MGAM: variants seen among roughly 807,000 people sequenced by gnomAD.
MGAM encodes the protein maltase-glucoamylase.
A neutral mutation model predicts 358.8 loss-of-function variants in MGAM; 253 were observed. The ratio of observed to expected loss-of-function variants is 0.71; its 90% CI spans 0.64 to 0.78. The LOEUF is 0.78. Among genes scored for constraint, MGAM ranks in the 30% least tolerant of loss-of-function variants. The probability of loss-of-function intolerance (pLI) is 0.00; values close to 1 mark genes in which losing one functional copy is unlikely to be tolerated. For missense variants in MGAM, 3,080 were observed against 3,432.6 expected (o/e 0.90, Z 2.57); for synonymous variants, 1,105 against 1,227.1 (o/e 0.90, Z 2.08).
chr7:142,043,935 A>G (rs964065367), intron 21 of MGAM, among the ~76,000 whole-genome samples: 13 of 55,964 alleles, frequency 2.3e-4, no homozygotes, highest in South Asian at 5.2e-4. Context: ...CATTATATAC[A>G]CATACGACGT....
intron 30 of MGAM, among the ~76,000 whole-genome samples, chr7:142,057,501 G>C (rs1811675777): frequency 1.4e-5 from 2 of 143,872 alleles, no homozygotes; most frequent in Non-Finnish European, 3.0e-5. Context: ...GATAGTGGTT[G>C]TGGTGATAGT....
In MGAM at chr7:142,027,557, T is replaced by A. The variant is rs547813487; in HGVS notation, c.1096-53T>A. ...GCTCTGAAAGCAATGCTTCGAAAAA[T>A]TTTTATTAAAAACAGAGTATTTGCT... is the stretch of plus-strand genomic sequence containing the variant. On this transcript the variant is annotated intron_variant, in intron 9 of 70. Coordinates refer to ENST00000475668, the MANE Select transcript of MGAM (RefSeq NM_001365693.1). The A allele has an allele frequency of 5.8e-4, 928 of 1,601,294 alleles. 1 individual carries two copies. Among genetic ancestry groups the A allele is most frequent in the Admixed American group, 1.4e-3 (81 of 58,958 alleles).
At chr7:142,004,781 A>G (rs1805013312) in intron 1 of MGAM, among the ~76,000 whole-genome samples, 1 of 152,062 alleles carries the variant, frequency 6.6e-6, no homozygotes, top group Non-Finnish European at 1.5e-5. Flanking sequence ...GTAAATGAGA[A>G]AACTGAGAAT....
In MGAM at chr7:142,055,726, G is replaced by A. The variant is rs780723110; in HGVS notation, c.3483G>A (p.Gly1161=). ...TGTTCTCCCGAGACCAGCCCCCAGG[G>A]GTAAGGACAGAGCATTTGGGATCTG... ...WGMFSRDQPP[G]YKKNSYGVHP... is the part of the protein sequence containing the mutation. The change falls in exon 28 of 71, where the codon GGG becomes GGA. Residue 1161 remains glycine, a splice_region_variant and synonymous_variant. Transcript: ENST00000475668. The A allele has an allele frequency of 1.2e-6, 2 of 1,613,784 alleles. No homozygotes were observed. The highest frequency in any genetic ancestry group is 1.6e-4 in the Middle Eastern group (1 of 6,062).
rs778905877 is a variant in MGAM at position 142,066,594 on chromosome 7, G to T, written c.4792G>T (p.Asp1598Tyr). 11 of 1,555,148 alleles carry T rather than the reference G, an allele frequency of 7.1e-6. 1 individual carries two copies. Among genetic ancestry groups the T allele is most frequent in the Non-Finnish European group, 8.8e-6 (10 of 1,132,544 alleles). The change falls in exon 41 of 71, where the codon GAT becomes TAT. Residue 1598 changes from aspartate (D) to tyrosine (Y), a missense_variant. Physicochemically the swap from Asp to Tyr is radical, Grantham distance 160 (BLOSUM62 -3). This residue lies in a region of MGAM where 134 missense variants were observed against 198.4 expected (regional missense o/e 0.68). Transcript: ENST00000475668. ...TTAGAGACAAGACCCTGTGTCCTGG[G>T]ATGCTGCTTTTGTGAATATTTCCAG... ...GTRRQDPVSW[D>Y]AAFVNISRNV...
rs1813056176 is a variant in MGAM, at chr7:142,068,635, G to A, written c.5005-12G>A. 5 of 1,526,846 alleles carry A rather than the reference G, an allele frequency of 3.3e-6. 1 individual carries two copies. The South Asian group carries it at 3.4e-5, about 10-fold the overall frequency. 94.6% of individuals were successfully genotyped at this position (1,526,846 alleles called of 1,614,324 possible). A position where few individuals can be genotyped will look rare whatever the true frequency, so the allele number is the denominator to read the frequency against. On this transcript the variant is annotated splice_polypyrimidine_tract_variant and intron_variant, in intron 42 of 70. Transcript: ENST00000475668. Reference sequence around the variant, plus strand: ...GGTGGCACTGCCTCACCTTGTTTGTGTTTCATTTTAGAATGCCAGAAATGT... The same window carrying A: ...GGTGGCACTGCCTCACCTTGTTTGTATTTCATTTTAGAATGCCAGAAATGT...
At chr7:142,025,488 G>C (rs1351303714) in intron 8 of MGAM, among the ~76,000 whole-genome samples, 1 of 152,286 alleles carries the variant, frequency 6.6e-6, no homozygotes, top group African/African-American at 2.4e-5. Flanking sequence ...GTAGTCAGTA[G>C]ATCCCAGTGG....
chr7:142,059,145 G>A (rs1483801207), intron 31 of MGAM, among the ~76,000 whole-genome samples: 1 of 152,098 alleles, frequency 6.6e-6, no homozygotes. Flanking sequence ...AGCCTCTTGG[G>A]GTAGGTCATC....
rs189122871 is a variant in MGAM, at chr7:142,080,925, G to C, written c.5982G>C (p.Arg1994=). 954 of 1,555,508 alleles carry C rather than the reference G, an allele frequency of 6.1e-4. 139 individuals carry two copies. Among genetic ancestry groups the C allele is most frequent in the Non-Finnish European group, 7.8e-4 (886 of 1,132,106 alleles). Residue 1994 remains arginine, a synonymous_variant, in exon 50 of 71, where the codon CGG becomes CGC. Coordinates refer to ENST00000475668, the MANE Select transcript of MGAM (RefSeq NM_001365693.1). ...KKNPFGIEIR[R]KSTGTIIWDS... Reference sequence around the variant, plus strand: ...ATCCATTTGGGATTGAAATTCGCCGGAAGAGTACAGGCACTATAATGTGAG... The same window carrying C: ...ATCCATTTGGGATTGAAATTCGCCGCAAGAGTACAGGCACTATAATGTGAG...
At chr7:142,089,712 G>A (rs1204208108) in intron 57 of MGAM, among the ~76,000 whole-genome samples, 5 of 145,392 alleles carry the variant, frequency 3.4e-5, no homozygotes, top group African/African-American at 4.9e-5. Flanking sequence ...GCTTGAACCC[G>A]GGAGGCAGAG....
chr7:141,987,447 T>G (rs933070115), intron 2 of MGAM, among the ~76,000 whole-genome samples: 1 of 152,190 alleles, frequency 6.6e-6, no homozygotes, highest in East Asian at 1.9e-4. Context: ...AGGCACTGTG[T>G]CTCAAATCTA....
intron 36 of MGAM, 84 bp from the exon 37 acceptor site, chr7:142,064,291 TAGTCTTAAG>T: frequency 6.6e-7 from 1 of 1,524,410 alleles, no homozygotes; most frequent in African/African-American, 1.4e-5. Context: ...GGACTGAAGT[TAGTCTTAAG>T]ATCCAGGGCC....
At position 142,073,061 on chromosome 7, in the gene MGAM, C is replaced by T. The variant is rs79596365; in HGVS notation, c.5187-1024C>T. Among the ~76,000 whole-genome samples, 883 of 146,138 alleles carry T rather than the reference C, an allele frequency of 6.0e-3. 34 individuals are homozygous for T. Among genetic ancestry groups the T allele is most frequent in the African/African-American group, 0.02 (815 of 41,190 alleles). ...AGGTAATATTTTACTGGGTAAGTCTCCAGAAGAATATACAGTCTACCATAT... is the reference window on the plus strand; with the variant it reads ...AGGTAATATTTTACTGGGTAAGTCTTCAGAAGAATATACAGTCTACCATAT... On this transcript the variant is annotated intron_variant, in intron 44 of 70. Coordinates refer to ENST00000475668, the MANE Select transcript of MGAM (RefSeq NM_001365693.1).
chr7:142,055,935 G>A lies in MGAM; in HGVS notation c.3484-65G>A. On this transcript the variant is annotated intron_variant, in intron 28 of 70. Transcript: ENST00000475668. Reference sequence around the variant, plus strand: ...GAGCCATGTTAGCAAGCACATTTTTGTTGAGTTTCTTTCTCAGGCATAATG... The same window carrying A: ...GAGCCATGTTAGCAAGCACATTTTTATTGAGTTTCTTTCTCAGGCATAATG... 2.7e-5 allele frequency: 41 copies of A among 1,514,104 alleles called. 1 individual carries two copies. The highest frequency in any genetic ancestry group is 3.7e-5 in the Non-Finnish European group (41 of 1,110,822). The allele number at this position is 1,514,104 out of a possible 1,614,324, so 93.8% of individuals were successfully genotyped here. A position where few individuals can be genotyped will look rare whatever the true frequency, so the allele number is the denominator to read the frequency against.
intron 63 of MGAM, among the ~76,000 whole-genome samples, chr7:142,095,225 G>C (rs1310647093): frequency 6.6e-6 from 1 of 152,146 alleles, no homozygotes; most frequent in African/African-American, 2.4e-5. Context: ...GGGATTACAG[G>C]CGTGAGCCAC....
chr7:142,074,315 G>T, intron 45 of MGAM, 142 bp downstream of exon 45: 1 of 666,084 alleles, frequency 1.5e-6, no homozygotes, highest in Non-Finnish European at 2.5e-6. Flanking sequence ...GTTTCTGGTT[G>T]CACCATTCAG....
At position 142,065,827 on chromosome 7, in the gene MGAM, C is replaced by A. The variant is rs1267122180; in HGVS notation, c.4766C>A (p.Thr1589Asn). The part of the protein sequence containing the change: ...PFSRNHNTIG[T>N]RRQDPVSWDA... Reference sequence around the variant, plus strand: ...TCAAGAAACCACAATACCATTGGGACCAGGGTAGGACAGTGGCTTCTACCT... The same window carrying A: ...TCAAGAAACCACAATACCATTGGGAACAGGGTAGGACAGTGGCTTCTACCT... The change falls in exon 40 of 71, where the codon ACC becomes AAC. Residue 1589 changes from threonine (T) to asparagine (N), a missense_variant. Physicochemically the swap from Thr to Asn is moderately conservative, Grantham distance 65 (BLOSUM62 0). Around this residue, in one of 5 missense-constraint regions of MGAM, gnomAD observed 134 missense variants for 198.4 expected, o/e 0.68. Coordinates refer to ENST00000475668, the MANE Select transcript of MGAM (RefSeq NM_001365693.1). The A allele has an allele frequency of 1.3e-6, 2 of 1,551,534 alleles. No homozygotes were observed. The highest frequency in any genetic ancestry group is 3.4e-5 in the Admixed American group (2 of 58,334).
In MGAM at chr7:142,008,701, C is replaced by CA. The variant is rs782043095; in HGVS notation, c.326dup (p.Ala110GlyfsTer4). ...AATTGCATCCCTGACCAGCCGCCAA[C>CA]AAAGGTTTGAGTTATGAATTTTGTT... On this transcript the variant is annotated frameshift_variant, in exon 3 of 71. Coordinates refer to ENST00000475668, the MANE Select transcript of MGAM (RefSeq NM_001365693.1). LOFTEE classifies it high-confidence loss of function. The CA allele has an allele frequency of 6.2e-7, 1 of 1,612,044 alleles. No homozygotes were observed. Among genetic ancestry groups the CA allele is most frequent in the Non-Finnish European group, 8.5e-7 (1 of 1,178,914 alleles).
upstream of MGAM, among the ~76,000 whole-genome samples, chr7:141,994,433 G>T (rs541569544): frequency 1.3e-5 from 2 of 152,314 alleles, no homozygotes; most frequent in South Asian, 4.1e-4. Flanking sequence ...GGCAGGGAAT[G>T]AAATCACAGG....
Sources: gnomAD v4.1 joint callset for allele counts (sites outside exome capture counted in the v4.1 genomes callset) on GRCh38, gnomAD v4.1.1 for gene constraint, gnomAD v4.1.1 regional missense constraint, MANE v1.5 for transcripts, NCBI Gene and HGNC (gene_info 2026-07-23, HGNC 2026-07-21) for gene names.